The following COL11A2 variants were observed in gnomAD, a reference collection of about 807,000 sequenced individuals.
The protein encoded by COL11A2 is collagen alpha-2(XI) chain.
A neutral mutation model predicts 273.4 loss-of-function variants in COL11A2; 116 were observed. That is an observed-to-expected ratio of 0.42 (90% CI 0.36 to 0.49). The LOEUF is 0.49. Among genes scored for constraint, COL11A2 ranks in the 20% least tolerant of loss-of-function variants. The pLI is 0.00. For missense variants in COL11A2, 1,866 were observed against 2,309.0 expected (o/e 0.81, Z 3.93); for synonymous variants, 782 against 864.2 (o/e 0.90, Z 1.67).
chr6:33,180,928 A>T, intron 10 of COL11A2, 36 bp downstream of exon 10: 1 of 1,613,242 alleles, frequency 6.2e-7, no homozygotes, highest in Non-Finnish European at 8.5e-7. Context: ...GGGGTTTCTA[A>T]GAAAAGAATG....
chr6:33,174,354 G>A, intron 31 of COL11A2, 136 bp from the exon 32 acceptor site: 1 of 1,403,308 alleles, frequency 7.1e-7, no homozygotes, highest in South Asian at 1.2e-5. Context: ...AGTGGCCTTG[G>A]ACAAACCCCT....
Position 33,163,407 on chromosome 6 carries a change from T to G in COL11A2, c.*271A>C, listed in dbSNP as rs901904304. The G allele has an allele frequency of 2.8e-5, 16 of 566,446 alleles. No individual in the cohort carries two copies. The highest frequency in any genetic ancestry group is 5.6e-5 in the African/African-American group (3 of 53,546). The allele number at this position is 566,446 out of a possible 1,614,324, so 35.1% of individuals were successfully genotyped here. A position where few individuals can be genotyped will look rare whatever the true frequency, so the allele number is the denominator to read the frequency against. The stretch of plus-strand genomic sequence containing the variant: ...TTCTCTTCCATTTGTTTGGGGTGAT[T>G]GGGAGGTGAGTTTTAAATAAGGGTC... On this transcript the variant is annotated 3_prime_UTR_variant, in exon 66 of 66. Coordinates refer to ENST00000341947, the MANE Select transcript of COL11A2 (RefSeq NM_080680.3). The surrounding 1 kb of genome is among the most constrained non-coding windows in gnomAD (Gnocchi z 4.1).
At position 33,184,303 on chromosome 6, in the gene COL11A2, G is replaced by A. The variant is rs2150601670; in HGVS notation, c.961C>T (p.Pro321Ser). ...LEEEQTDLQV[P>S]PTADRFQAEE... is the part of the protein sequence containing the mutation. Reference sequence around the variant, plus strand: ...GCCTGGAACCTGTCGGCTGTGGGGGGGACCTGGAGATCTGTCTGCTCCTTC... The same window carrying A: ...GCCTGGAACCTGTCGGCTGTGGGGGAGACCTGGAGATCTGTCTGCTCCTTC... The change falls in exon 8 of 66, where the codon CCC (proline) becomes TCC (serine). Residue 321 changes from proline (P) to serine (S), a missense_variant. Physicochemically the swap from Pro to Ser is moderately conservative, Grantham distance 74. Coordinates refer to ENST00000341947, the MANE Select transcript of COL11A2 (RefSeq NM_080680.3). 2.2e-6 allele frequency: 3 copies of A among 1,367,536 alleles called. No individual in the cohort carries two copies. The highest frequency in any genetic ancestry group is 2.9e-6 in the Non-Finnish European group (3 of 1,021,924). 84.7% of individuals were successfully genotyped at this position (1,367,536 alleles called of 1,614,324 possible).
At chr6:33,181,257 T>G (rs1424816208) in intron 8 of COL11A2, 87 bp from the exon 9 acceptor site, 1 of 1,370,586 alleles carries the variant, frequency 7.3e-7, no homozygotes, top group African/African-American at 1.4e-5. Flanking sequence ...CAACCTTGAT[T>G]CTTAGATCCT....
Position 33,166,132 on chromosome 6 carries a change from G to C in COL11A2, c.4428+39C>G. On this transcript the variant is annotated intron_variant, in intron 61 of 65. Coordinates refer to ENST00000341947, the MANE Select transcript of COL11A2 (RefSeq NM_080680.3). This position sits in a 1 kb window ranked among gnomAD's most constrained non-coding sequence, Gnocchi z 4.8. ...TGGAGAGACATCATCAAGTCCAGAGGGGGTGGAGCAAAGGTCAGAGCTGAA... is the reference window on the plus strand; with the variant it reads ...TGGAGAGACATCATCAAGTCCAGAGCGGGTGGAGCAAAGGTCAGAGCTGAA... 6.2e-7 allele frequency: 1 copy of C among 1,608,032 alleles called. No homozygotes were observed. Among genetic ancestry groups the C allele is most frequent in the Non-Finnish European group, 8.5e-7 (1 of 1,177,492 alleles).
chr6:33,181,293 A>C (rs1162784240), intron 8 of COL11A2, 123 bp from the exon 9 acceptor site: 1 of 981,030 alleles, frequency 1.0e-6, no homozygotes, highest in Non-Finnish European at 1.6e-6. Flanking sequence ...GCCCTACCCG[A>C]AAGCCCCACA....
At position 33,171,911 on chromosome 6, in the gene COL11A2, A is replaced by T; in HGVS notation, c.3043-91T>A. On this transcript the variant is annotated intron_variant, in intron 41 of 65. Coordinates refer to ENST00000341947, the MANE Select transcript of COL11A2 (RefSeq NM_080680.3). ...GACCACAATTCCCAAAAGCTCCCAAAATCAGATGCATTCTGGCTGTCCCTG... is the reference window on the plus strand; with the variant it reads ...GACCACAATTCCCAAAAGCTCCCAATATCAGATGCATTCTGGCTGTCCCTG... The T allele has an allele frequency of 1.9e-6, 3 of 1,548,150 alleles. No individual in the cohort carries two copies. The South Asian group carries it at 3.3e-5, about 17-fold the overall frequency.
At chr6:33,175,807 A>G in intron 29 of COL11A2, 126 bp from the exon 30 acceptor site, 1 of 1,094,428 alleles carries the variant, frequency 9.1e-7, no homozygotes, top group Non-Finnish European at 1.4e-6. Context: ...CAGGACAGGA[A>G]GCCCACAGGG....
At position 33,173,765 on chromosome 6, in the gene COL11A2, C is replaced by G. The variant is rs964774029; in HGVS notation, c.2584-20G>C. The G allele has an allele frequency of 6.2e-7, 1 of 1,603,272 alleles. No homozygotes were observed. Among genetic ancestry groups the G allele is most frequent in the African/African-American group, 1.3e-5 (1 of 74,726 alleles). On this transcript the variant is annotated intron_variant, in intron 34 of 65. Transcript: ENST00000341947. This position sits in a 1 kb window ranked among gnomAD's most constrained non-coding sequence, Gnocchi z 6.3. ...TGTTCCCTGTGGGGGGAAACAGAGT[C>G]AAGGAGTGGGAAGAGCTGCTTTCCA...
Position 33,173,460 on chromosome 6 carries a change from A to G in COL11A2, c.2682+42T>C. On this transcript the variant is annotated intron_variant, in intron 36 of 65. Transcript: ENST00000341947. This position sits in a 1 kb window ranked among gnomAD's most constrained non-coding sequence, Gnocchi z 6.3. ...GCTGGAAAGCAGGTAGGGAAGAAGG[A>G]CTCAGAGAAGCGAGGTGGGTCAGAG... 1 of 1,612,010 alleles carries G rather than the reference A, an allele frequency of 6.2e-7. No individual in the cohort carries two copies. Among genetic ancestry groups the G allele is most frequent in the Admixed American group, 1.7e-5 (1 of 59,958 alleles).
At position 33,175,632 on chromosome 6, in the gene COL11A2, G is replaced by C. The variant is rs1161329746; in HGVS notation, c.2318C>G (p.Pro773Arg). ...TCCAGTCGGTCCAGTGCGTCCCTTT[G>C]GCCCCTCAGGACCATCCTCTCCCCT... ...GSRGEDGPEG[P>R]KGRTGPTGDP... Residue 773 changes from proline (P) to arginine (R), a missense_variant, in exon 30 of 66, where the codon CCA (proline) becomes CGA (arginine). Physicochemically the swap from Pro to Arg is moderately radical, Grantham distance 103. Coordinates refer to ENST00000341947, the MANE Select transcript of COL11A2 (RefSeq NM_080680.3). 2.5e-6 allele frequency: 4 copies of C among 1,612,806 alleles called. No individual in the cohort carries two copies. Among genetic ancestry groups the C allele is most frequent in the Non-Finnish European group, 2.5e-6 (3 of 1,180,012 alleles).
At position 33,170,270 on chromosome 6, in the gene COL11A2, G is replaced by C. The variant is rs1450377520; in HGVS notation, c.3582+56C>G. ...ATACTAGAGTTTATGGTCTGGGAAA[G>C]GGAGGCAGAAGACCAGACACATTGG... On this transcript the variant is annotated intron_variant, in intron 48 of 65. Coordinates refer to ENST00000341947, the MANE Select transcript of COL11A2 (RefSeq NM_080680.3). The surrounding 1 kb of genome is among the most constrained non-coding windows in gnomAD (Gnocchi z 4.3). The C allele has an allele frequency of 7.5e-6, 12 of 1,595,612 alleles. No homozygotes were observed. The highest frequency in any genetic ancestry group is 1.0e-5 in the Non-Finnish European group (12 of 1,166,388).
At position 33,169,455 on chromosome 6, in the gene COL11A2, C is replaced by T. The variant is rs369540384; in HGVS notation, c.3726G>A (p.Ser1242=). The T allele has an allele frequency of 9.3e-6, 15 of 1,612,858 alleles. No individual in the cohort carries two copies. The highest frequency in any genetic ancestry group is 6.7e-5 in the East Asian group (3 of 44,884). The change falls in exon 51 of 66, where the codon TCG becomes TCA. Residue 1242 remains serine, a synonymous_variant. Coordinates refer to ENST00000341947, the MANE Select transcript of COL11A2 (RefSeq NM_080680.3). This position sits in a 1 kb window ranked among gnomAD's most constrained non-coding sequence, Gnocchi z 5.5. ...PRGERGEKGE[S]GQPGEPGPPG... ...GTGGCCCTGGCTCTCCTGGCTGCCC[C>T]GACTCTCCTTTCTCTCCACGTTCCC...
chr6:33,188,984 T>G lies in COL11A2; in HGVS notation c.437A>C (p.Asp146Ala). The G allele has an allele frequency of 6.2e-7, 1 of 1,614,152 alleles. No homozygotes were observed. Among genetic ancestry groups the G allele is most frequent in the Admixed American group, 1.7e-5 (1 of 60,024 alleles). Residue 146 changes from aspartate to alanine, a missense_variant, in exon 3 of 66, where the codon GAT becomes GCT. Asp to Ala is a moderately radical substitution (Grantham distance 126). Coordinates refer to ENST00000341947, the MANE Select transcript of COL11A2 (RefSeq NM_080680.3). Reference sequence around the variant, plus strand: ...GAGGAGCAAACAAACTTACTTGCCATCTGCTAGGCTGAGGCCTCGGAAGAC... The same window carrying G: ...GAGGAGCAAACAAACTTACTTGCCAGCTGCTAGGCTGAGGCCTCGGAAGAC... Reference protein sequence around the residue: ...QPVFRGLSLADGKWHRVAVAV... With the variant: ...QPVFRGLSLAAGKWHRVAVAV...
intron 7 of COL11A2, 87 bp downstream of exon 7, chr6:33,184,905 T>G: frequency 1.8e-6 from 2 of 1,102,020 alleles, no homozygotes; most frequent in Non-Finnish European, 2.7e-6. Flanking sequence ...GAGGAGGGGC[T>G]GGTCCATCAA....
chr6:33,181,236 C>T, intron 8 of COL11A2, 66 bp from the exon 9 acceptor site: 2 of 1,505,950 alleles, frequency 1.3e-6, no homozygotes, highest in Non-Finnish European at 1.8e-6. Context: ...GGCCTTTCTC[C>T]ATCTCAACTC....
Position 33,176,171 on chromosome 6 carries a change from C to G in COL11A2, c.2214+88G>C, listed in dbSNP as rs2254287. 694,292 of 1,602,926 alleles carry G rather than the reference C, an allele frequency of 0.43. 155,517 individuals are homozygous for G. Among genetic ancestry groups the G allele is most frequent in the East Asian group, 0.75 (33,641 of 44,778 alleles). On this transcript the variant is annotated intron_variant, in intron 28 of 65. Transcript: ENST00000341947. This position sits in a 1 kb window ranked among gnomAD's most constrained non-coding sequence, Gnocchi z 4.9. ...TGGAAGCAGGGGCTCGGGAGCTGGA[C>G]GGCAGTGCGGGGCAGGCTGGAGGGA...
At chr6:33,187,396 T>C (rs1772566604) in intron 4 of COL11A2, among the ~76,000 whole-genome samples, 1 of 152,240 alleles carries the variant, frequency 6.6e-6, no homozygotes, top group Admixed American at 6.5e-5. Flanking sequence ...AGAGCCCACC[T>C]GGGAGCTCTT....
At position 33,185,024 on chromosome 6, in the gene COL11A2, G is replaced by A. The variant is rs991763003; in HGVS notation, c.907C>T (p.Leu303=). 8 of 1,551,294 alleles carry A rather than the reference G, an allele frequency of 5.2e-6. No homozygotes were observed. The highest frequency in any genetic ancestry group is 7.0e-6 in the Non-Finnish European group (8 of 1,146,816). ...DPTPGEEEEI[L]ESSLLPPLEE... Reference sequence around the variant, plus strand: ...AGGGGTGGCAAGAGGCTCGACTCCAGGATTTCTTCCTCTTCACCTGGGGTG... The same window carrying A: ...AGGGGTGGCAAGAGGCTCGACTCCAAGATTTCTTCCTCTTCACCTGGGGTG... The change falls in exon 7 of 66, where the codon CTG becomes TTG. Residue 303 remains leucine (L), a synonymous_variant. Coordinates refer to ENST00000341947, the MANE Select transcript of COL11A2 (RefSeq NM_080680.3).
Sources: allele counts gnomAD v4.1 joint callset (sites outside exome capture counted in the v4.1 genomes callset), GRCh38; gene constraint gnomAD v4.1.1; non-coding constraint Gnocchi (gnomAD v3.1); transcripts MANE v1.5; gene names NCBI Gene and HGNC (gene_info 2026-07-23, HGNC 2026-07-21).